POLA1: variants seen among roughly 807,000 people sequenced by gnomAD.
The protein encoded by POLA1 is DNA polymerase alpha catalytic subunit.
POLA1 carries 15 observed loss-of-function variants against 124.0 expected under a neutral mutation model. The observed-to-expected ratio is 0.12, with a 90% CI of 0.08 to 0.19. POLA1 has a LOEUF of 0.19. POLA1 is among the 10% of genes least tolerant of loss of function. The pLI is 1.00. For missense variants in POLA1, 886 were observed against 1,103.4 expected (o/e 0.80, Z 2.79); for synonymous variants, 408 against 389.4 (o/e 1.05, Z -0.56).
intron 36 of POLA1, among the ~76,000 whole-genome samples, chrX:24,968,660 G>A (rs2048259658): frequency 9.8e-6 from 1 of 101,585 alleles, no homozygotes; most frequent in Non-Finnish European, 2.0e-5. Flanking sequence ...CGGAGATTGG[G>A]CCACTGTACT....
intron 21 of POLA1, 75 bp downstream of exon 21, chrX:24,741,579 A>G: frequency 2.3e-6 from 2 of 886,009 alleles, no homozygotes; most frequent in Non-Finnish European, 3.3e-6. Context: ...TTGTTATATG[A>G]TAATGAGTCT....
chrX:24,934,560 A>G (rs1228566638), intron 36 of POLA1, among the ~76,000 whole-genome samples: 1 of 112,272 alleles, frequency 8.9e-6, no homozygotes, highest in Non-Finnish European at 1.9e-5. Context: ...CATTTAGTAG[A>G]TGCTTCTCTC....
At chrX:24,863,570 T>C (rs2046750344) in intron 34 of POLA1, among the ~76,000 whole-genome samples, 1 of 112,036 alleles carries the variant, frequency 8.9e-6, no homozygotes, top group Non-Finnish European at 1.9e-5. Context: ...GGGCTCTCCA[T>C]GTCTGGAAGG....
At position 24,814,961 on chromosome X, in the gene POLA1, T is replaced by TG. The variant is rs772910077; in HGVS notation, c.3297-18_3297-17insG. 1.2e-5 allele frequency: 13 copies of TG among 1,040,902 alleles called. No individual in the cohort carries two copies. In the East Asian group the frequency reaches 2.0e-4, roughly 16 times the overall value. 85.8% of individuals were successfully genotyped at this position (1,040,902 alleles called of 1,213,427 possible). ...ATCAACTGCTGTCTTTGTTTTGTTT[T>TG]TTTTTTTTTTTTTGCAGCTTTGTGA... On this transcript the variant is annotated splice_polypyrimidine_tract_variant and intron_variant, in intron 29 of 36. Transcript: ENST00000379068.
chrX:24,948,846 A>G (rs1425835146), intron 36 of POLA1, among the ~76,000 whole-genome samples: 2 of 112,100 alleles, frequency 1.8e-5, no homozygotes, highest in Non-Finnish European at 3.8e-5. Flanking sequence ...GCTTTTATAT[A>G]AGATACTATA....
At chrX:24,841,585 G>A in intron 32 of POLA1, 67 bp from the exon 33 acceptor site, 1 of 616,174 alleles carries the variant, frequency 1.6e-6, no homozygotes, top group Non-Finnish European at 2.4e-6. Context: ...TTTTTTGTGG[G>A]AGTTTTCTTC....
intron 36 of POLA1, among the ~76,000 whole-genome samples, chrX:24,982,089 C>T (rs1204236915): frequency 9.2e-6 from 1 of 108,713 alleles, no homozygotes; most frequent in Non-Finnish European, 1.9e-5. Context: ...TCCCTCAAGG[C>T]ATTTAGTGTC....
At chrX:24,883,371 G>C (rs1203684064) in intron 34 of POLA1, among the ~76,000 whole-genome samples, 1 of 112,043 alleles carries the variant, frequency 8.9e-6, no homozygotes, top group Non-Finnish European at 1.9e-5. Context: ...TTCAGATCTA[G>C]ATGATTTCTG....
intron 34 of POLA1, among the ~76,000 whole-genome samples, chrX:24,849,926 G>A (rs2046533525): frequency 9.0e-6 from 1 of 111,172 alleles, no homozygotes; most frequent in East Asian, 2.8e-4. Flanking sequence ...CACCACACCC[G>A]GCCAGCTAAT....
At chrX:24,884,102 C>T (rs1435879020) in intron 34 of POLA1, among the ~76,000 whole-genome samples, 1 of 111,338 alleles carries the variant, frequency 9.0e-6, no homozygotes, top group Non-Finnish European at 1.9e-5. Flanking sequence ...ATAAGATTTG[C>T]ATCATCATGG....
intron 36 of POLA1, among the ~76,000 whole-genome samples, chrX:24,936,856 T>C (rs189555390): frequency 1.8e-5 from 2 of 112,325 alleles, no homozygotes; most frequent in East Asian, 5.5e-4. Flanking sequence ...ATCGAAAAAC[T>C]GTTGCTGAAT....
intron 34 of POLA1, among the ~76,000 whole-genome samples, chrX:24,883,447 T>G (rs1192634175): frequency 1.8e-5 from 2 of 112,362 alleles, no homozygotes; most frequent in African/African-American, 6.5e-5. Flanking sequence ...AAGGTGCAAC[T>G]ACTAGGAACG....
intron 34 of POLA1, among the ~76,000 whole-genome samples, chrX:24,848,699 A>G (rs1264183198): frequency 8.9e-6 from 1 of 112,278 alleles, no homozygotes; most frequent in Non-Finnish European, 1.9e-5. Flanking sequence ...ACAAGTAAGC[A>G]CAATTCATGG....
chrX:24,727,549 AATCT>A (rs1930615063), intron 14 of POLA1, among the ~76,000 whole-genome samples: 1 of 111,628 alleles, frequency 9.0e-6, no homozygotes, highest in East Asian at 2.8e-4. Flanking sequence ...TGCTTTGGAG[AATCT>A]GATGAAAGCT....
intron 16 of POLA1, 145 bp downstream of exon 16, chrX:24,732,599 G>GTTTTTTTTTT (rs5901763): frequency 1.4e-5 from 3 of 206,906 alleles, no homozygotes; most frequent in African/African-American, 4.3e-5. Context: ...GTTTTTTTTT[G>GTTTTTTTTTT]TTTTTTTTTT....
At chrX:24,800,417 T>C (rs1405440095) in intron 26 of POLA1, among the ~76,000 whole-genome samples, 1 of 111,664 alleles carries the variant, frequency 9.0e-6, no homozygotes, top group East Asian at 2.8e-4. Flanking sequence ...CCAGTTTTAA[T>C]TTTAGTATCT....
chrX:24,784,273 G>A (rs376882941), intron 26 of POLA1, among the ~76,000 whole-genome samples: 61 of 108,129 alleles, frequency 5.6e-4, no homozygotes, highest in Admixed American at 1.3e-3. Flanking sequence ...CTCTGGTCTC[G>A]AACTCCTAAC....
intron 32 of POLA1, among the ~76,000 whole-genome samples, chrX:24,839,953 C>T (rs2046389884): frequency 8.9e-6 from 1 of 111,884 alleles, no homozygotes; most frequent in Non-Finnish European, 1.9e-5. Context: ...CTCTGACCAT[C>T]CTTAGCTTTA....
At chrX:24,763,495 T>A (rs750836911) in intron 26 of POLA1, among the ~76,000 whole-genome samples, 1 of 111,354 alleles carries the variant, frequency 9.0e-6, no homozygotes, top group South Asian at 3.9e-4. Context: ...TTTATAGTCA[T>A]TGTTAAATGA....
Sources: allele counts gnomAD v4.1 joint callset (sites outside exome capture counted in the v4.1 genomes callset), GRCh38; gene constraint gnomAD v4.1.1; transcripts MANE v1.5; gene names NCBI Gene and HGNC (gene_info 2026-07-23, HGNC 2026-07-21).